Variants in C5orf22 observed in about 807,000 individuals in gnomAD.
The protein encoded by C5orf22 is chromosome 5 open reading frame 22.
In C5orf22, 36 loss-of-function variants were observed where a neutral mutation model predicts 48.7. The observed-to-expected ratio is 0.74, with a 90% CI of 0.57 to 0.98. The LOEUF is 0.98. Ranked by LOEUF, C5orf22 falls within the 50% of genes least tolerant of loss-of-function variation. The pLI is 0.00. For missense variants in C5orf22, 486 were observed against 521.9 expected, an observed-to-expected ratio of 0.93 and a Z score of 0.67; for synonymous variants, 141 against 180.8, an observed-to-expected ratio of 0.78 and a Z score of 1.76.
chr5:31,533,775 G>A (rs1186286823), intron 1 of C5orf22, among the ~76,000 whole-genome samples: 1 of 151,486 alleles, frequency 6.6e-6, no homozygotes, highest in African/African-American at 2.5e-5. Flanking sequence ...AGTGGTGCGT[G>A]CCTGTAATCC....
At chr5:31,537,656 C>T (rs1304671283) in intron 3 of C5orf22, among the ~76,000 whole-genome samples, 1 of 152,134 alleles carries the variant, frequency 6.6e-6, no homozygotes, top group Non-Finnish European at 1.5e-5. Context: ...ATTAACAAAG[C>T]TCTAAAATAT....
chr5:31,540,304 A>C (rs1742375223), intron 4 of C5orf22, among the ~76,000 whole-genome samples: 1 of 152,174 alleles, frequency 6.6e-6, no homozygotes. Context: ...CCTAAATAGG[A>C]TTACTGGGGC....
Position 31,535,863 on chromosome 5 carries a change from T to C in C5orf22, c.347T>C (p.Val116Ala), listed in dbSNP as rs761935861. ...QIREGRHHFL[V>A]GKDTSTTTIR... The stretch of plus-strand genomic sequence containing the variant: ...AGAGAGGGCAGACACCACTTTTTAG[T>C]AGGCAAAGACACTTCTACCACAACA... The change falls in exon 3 of 9, where the codon GTA (valine) becomes GCA (alanine). Residue 116 changes from valine (V) to alanine (A), a missense_variant. Physicochemically the swap from Val to Ala is moderately conservative, Grantham distance 64. This residue lies in a region of C5orf22 where 408 missense variants were observed against 444.0 expected (regional missense o/e 0.92). Transcript: ENST00000325366. 3 of 1,613,478 alleles carry C rather than the reference T, an allele frequency of 1.9e-6. No individual in the cohort carries two copies. The highest frequency in any genetic ancestry group is 2.7e-5 in the African/African-American group (2 of 75,034).
rs924567188 is a variant in C5orf22, at chr5:31,553,161, T to TG, written c.*259_*260insG. 6.0e-5 allele frequency: 15 copies of TG among 249,570 alleles called. No homozygotes were observed. The highest frequency in any genetic ancestry group is 1.0e-4 in the Non-Finnish European group (13 of 127,578). 15.5% of individuals were successfully genotyped at this position (249,570 alleles called of 1,614,324 possible). On this transcript the variant is annotated 3_prime_UTR_variant, in exon 9 of 9. Coordinates refer to ENST00000325366, the MANE Select transcript of C5orf22 (RefSeq NM_018356.3). ...GTATTTTTTAGGGTTTTGTTTTTTT[T>TG]TTTGTTTGTTTGTTTGTTTGTCTTC...
chr5:31,554,213 G>C lies in C5orf22; in HGVS notation c.*1311G>C, dbSNP rs1012211066. 6.6e-6 allele frequency: 1 copy of C among 152,124 alleles called. No homozygotes were observed. The allele number at this position is 152,124 out of a possible 1,614,324, so 9.4% of individuals were successfully genotyped here. A position where few individuals can be genotyped will look rare whatever the true frequency, so the allele number is the denominator to read the frequency against. The stretch of plus-strand genomic sequence containing the variant: ...AAAAACAAACACCCATCATTCCTCA[G>C]TCCCAACACAGCAGTTCTTTTCACT... On this transcript the variant is annotated 3_prime_UTR_variant, in exon 9 of 9. Coordinates refer to ENST00000325366, the MANE Select transcript of C5orf22 (RefSeq NM_018356.3).
intron 7 of C5orf22, among the ~76,000 whole-genome samples, chr5:31,546,301 C>T (rs910109628): frequency 4.6e-5 from 7 of 152,300 alleles, no homozygotes; most frequent in Non-Finnish European, 1.0e-4. Context: ...AAAGCTATAG[C>T]TTAAAATGTT....
At chr5:31,542,316 C>T (rs547688625) in intron 6 of C5orf22, among the ~76,000 whole-genome samples, 33 of 151,400 alleles carry the variant, frequency 2.2e-4, no homozygotes, top group African/African-American at 7.3e-4. Context: ...AAAAATTAGC[C>T]GGGCATAGTG....
At chr5:31,542,630 A>C (rs1450147843) in intron 6 of C5orf22, among the ~76,000 whole-genome samples, 1 of 152,178 alleles carries the variant, frequency 6.6e-6, no homozygotes, top group Non-Finnish European at 1.5e-5. Flanking sequence ...GAATGGAGAG[A>C]GAAGTTCTTT....
chr5:31,550,876 TC>T (rs1743214198), intron 7 of C5orf22, among the ~76,000 whole-genome samples: 1 of 152,136 alleles, frequency 6.6e-6, no homozygotes, highest in Non-Finnish European at 1.5e-5. Context: ...CTTTTTAGAA[TC>T]TAGATGAAAT....
chr5:31,538,117 T>C (rs1477472322), intron 3 of C5orf22, 143 bp from the exon 4 acceptor site: 3 of 656,124 alleles, frequency 4.6e-6, no homozygotes, highest in African/African-American at 1.8e-5. Flanking sequence ...ATGCTATTTC[T>C]ACAGAAGAAC....
At chr5:31,548,741 GT>G in intron 7 of C5orf22, 1 of 315,292 alleles carries the variant, frequency 3.2e-6, no homozygotes, top group South Asian at 2.9e-5. Flanking sequence ...GTATTAGTCT[GT>G]TTTCACGCTG....
Position 31,554,132 on chromosome 5 carries a change from A to G in C5orf22, c.*1230A>G, listed in dbSNP as rs1335544482. ...TCTTTAGTATCTCTTTAGTTCAGTA[A>G]TTTTTACCTACCTACTTGATTTATT... On this transcript the variant is annotated 3_prime_UTR_variant, in exon 9 of 9. Coordinates refer to ENST00000325366, the MANE Select transcript of C5orf22 (RefSeq NM_018356.3). The G allele has an allele frequency of 6.6e-6, 1 of 152,084 alleles. No homozygotes were observed. The highest frequency in any genetic ancestry group is 1.5e-5 in the Non-Finnish European group (1 of 68,014). 9.4% of individuals were successfully genotyped at this position (152,084 alleles called of 1,614,324 possible).
chr5:31,544,772 A>T (rs1561326794), intron 6 of C5orf22, among the ~76,000 whole-genome samples: 1 of 151,958 alleles, frequency 6.6e-6, no homozygotes, highest in Non-Finnish European at 1.5e-5. Context: ...CTATCTCTAC[A>T]AAAAGATTTT....
At chr5:31,547,945 C>A (rs1394174552) in intron 7 of C5orf22, among the ~76,000 whole-genome samples, 1 of 152,198 alleles carries the variant, frequency 6.6e-6, no homozygotes, top group Admixed American at 6.5e-5. Flanking sequence ...ATGGAATTTT[C>A]TTTTCTTTAA....
At chr5:31,539,198 A>G (rs1173680249) in intron 4 of C5orf22, among the ~76,000 whole-genome samples, 1 of 152,252 alleles carries the variant, frequency 6.6e-6, no homozygotes, top group African/African-American at 2.4e-5. Context: ...AGATACCACA[A>G]GTAATTTAGA....
chr5:31,537,166 T>C (rs1742146960), intron 3 of C5orf22, among the ~76,000 whole-genome samples: 1 of 152,244 alleles, frequency 6.6e-6, no homozygotes, highest in Non-Finnish European at 1.5e-5. Flanking sequence ...TGATTTAACC[T>C]ACAAAATCAA....
rs76256365 is a variant in C5orf22 at position 31,532,427 on chromosome 5, G to C, written c.35G>C (p.Arg12Pro). The change falls in exon 1 of 9, where the codon CGG becomes CCG. Residue 12 changes from arginine to proline, a missense_variant. Physicochemically the swap from Arg to Pro is moderately radical, Grantham distance 103. This residue lies in a region of C5orf22 where 74 missense variants were observed against 61.2 expected (regional missense o/e 1.21). Coordinates refer to ENST00000325366, the MANE Select transcript of C5orf22 (RefSeq NM_018356.3). ...SDSAGGRAGL[R>P]RYPKLPVWVV... Reference sequence around the variant, plus strand: ...TCCGCGGGAGGGCGCGCTGGTCTCCGGCGTTACCCCAAGCTCCCAGTGTGG... The same window carrying C: ...TCCGCGGGAGGGCGCGCTGGTCTCCCGCGTTACCCCAAGCTCCCAGTGTGG... The C allele has an allele frequency of 6.8e-3, 10,989 of 1,613,960 alleles. 44 individuals are homozygous for C. The highest frequency in any genetic ancestry group is 7.9e-3 in the Non-Finnish European group (9,311 of 1,179,942).
chr5:31,534,794 T>C (rs576623589), intron 2 of C5orf22, among the ~76,000 whole-genome samples: 43 of 152,326 alleles, frequency 2.8e-4, no homozygotes, highest in African/African-American at 9.9e-4. Flanking sequence ...GAAGATCACT[T>C]GAGGCCAGCA....
Position 31,552,987 on chromosome 5 carries a change from A to T in C5orf22, c.*85A>T. On this transcript the variant is annotated 3_prime_UTR_variant, in exon 9 of 9. Coordinates refer to ENST00000325366, the MANE Select transcript of C5orf22 (RefSeq NM_018356.3). ...TTATTTGTACATGAGTCTTCCAGAG[A>T]ACACTGTTTTATATTAACTTTCAGT... is the stretch of plus-strand genomic sequence containing the variant. The T allele has an allele frequency of 1.7e-6, 2 of 1,197,272 alleles. No individual in the cohort carries two copies. Among genetic ancestry groups the T allele is most frequent in the Non-Finnish European group, 2.4e-6 (2 of 841,234 alleles). 74.2% of individuals were successfully genotyped at this position (1,197,272 alleles called of 1,614,324 possible).
Sources: allele counts gnomAD v4.1 joint callset (sites outside exome capture counted in the v4.1 genomes callset), GRCh38; gene constraint gnomAD v4.1.1; regional missense constraint gnomAD v4.1.1; transcripts MANE v1.5; gene names NCBI Gene and HGNC (gene_info 2026-07-23, HGNC 2026-07-21).